Variants in GHR observed in about 807,000 individuals in gnomAD.
The protein encoded by GHR is GH receptor.
Under a neutral mutation model 67.1 loss-of-function variants are expected in GHR, and 35 were observed. The ratio of observed to expected loss-of-function variants is 0.52; its 90% CI spans 0.40 to 0.69. The LOEUF (loss-of-function observed/expected upper bound fraction) is 0.69. Ranked by LOEUF, GHR falls within the 30% of genes least tolerant of loss-of-function variation. The pLI, the probability that GHR is intolerant of heterozygous loss-of-function variation, is 0.00. For synonymous variants in GHR, 272 were observed against 269.1 expected, an observed-to-expected ratio of 1.01 and a Z score of -0.10; for missense variants, 792 against 764.6, an observed-to-expected ratio of 1.04 and a Z score of -0.42.
intron 1 of GHR, among the ~76,000 whole-genome samples, chr5:42,458,878 G>GA (rs1341315900): frequency 6.6e-6 from 1 of 152,092 alleles, no homozygotes; most frequent in African/African-American, 2.4e-5. Flanking sequence ...ACAAGCATAT[G>GA]AAAAAATGCT....
At chr5:42,548,011 A>G in intron 1 of GHR, 1 of 809,504 alleles carries the variant, frequency 1.2e-6, no homozygotes. Flanking sequence ...ACCCATCCAG[A>G]TCAGAGCCTT....
intron 5 of GHR, among the ~76,000 whole-genome samples, chr5:42,697,935 G>T (rs1395507366): frequency 6.6e-6 from 1 of 152,066 alleles, no homozygotes; most frequent in African/African-American, 2.4e-5. Flanking sequence ...TGGTGCAGGC[G>T]GTGGGACATG....
intron 1 of GHR, chr5:42,549,615 GGT>G: frequency 1.1e-6 from 1 of 941,364 alleles, no homozygotes; most frequent in Non-Finnish European, 1.3e-6. Context: ...CAGGGCCAGA[GGT>G]GTGAATAGCC....
At chr5:42,427,902 G>A (rs946081865) in intron 1 of GHR, among the ~76,000 whole-genome samples, 10 of 152,206 alleles carry the variant, frequency 6.6e-5, no homozygotes, top group African/African-American at 2.4e-4. Context: ...TTGACTTCAT[G>A]TCTCACATCC....
chr5:42,647,433 G>C (rs1489640812), intron 3 of GHR, among the ~76,000 whole-genome samples: 1 of 151,994 alleles, frequency 6.6e-6, no homozygotes, highest in Non-Finnish European at 1.5e-5. Flanking sequence ...ATATAGCTGG[G>C]CGTGGTGGCA....
At chr5:42,697,447 T>C (rs1690121086) in intron 5 of GHR, among the ~76,000 whole-genome samples, 1 of 152,048 alleles carries the variant, frequency 6.6e-6, no homozygotes, top group Admixed American at 6.6e-5. Context: ...GGTTGCAGTG[T>C]TGAGTTTTCA....
chr5:42,662,095 A>G (rs1423188032), intron 3 of GHR, among the ~76,000 whole-genome samples: 1 of 152,212 alleles, frequency 6.6e-6, no homozygotes, highest in African/African-American at 2.4e-5. Flanking sequence ...GAGCATCCAG[A>G]TTCATAAAGC....
At chr5:42,655,949 G>A (rs1755234557) in intron 3 of GHR, among the ~76,000 whole-genome samples, 1 of 152,002 alleles carries the variant, frequency 6.6e-6, no homozygotes, top group South Asian at 2.1e-4. Flanking sequence ...GTTGATTTGG[G>A]CTTGCATAAT....
At chr5:42,635,567 C>T (rs1190229466) in intron 3 of GHR, among the ~76,000 whole-genome samples, 1 of 152,186 alleles carries the variant, frequency 6.6e-6, no homozygotes, top group Non-Finnish European at 1.5e-5. Flanking sequence ...TAGTTTCACA[C>T]GTTAGTGCTT....
At chr5:42,450,006 A>G (rs889434219) in intron 1 of GHR, among the ~76,000 whole-genome samples, 3 of 152,128 alleles carry the variant, frequency 2.0e-5, no homozygotes, top group Non-Finnish European at 4.4e-5. Flanking sequence ...CCGCTTGATC[A>G]TGATGTGTTA....
chr5:42,549,457 G>C (rs1440916550), intron 1 of GHR: 2 of 152,432 alleles, frequency 1.3e-5, no homozygotes, highest in Non-Finnish European at 1.5e-5. Flanking sequence ...GTTTATTAAG[G>C]CTGTGATAGA....
At chr5:42,613,122 G>A (rs372511320) in intron 2 of GHR, among the ~76,000 whole-genome samples, 1 of 152,030 alleles carries the variant, frequency 6.6e-6, no homozygotes, top group Non-Finnish European at 1.5e-5. Context: ...TTCTCTTCCT[G>A]TAACACCTAC....
chr5:42,512,245 CAG>C (rs1025128909), intron 1 of GHR, among the ~76,000 whole-genome samples: 2 of 151,940 alleles, frequency 1.3e-5, no homozygotes, highest in Non-Finnish European at 2.9e-5. Context: ...AAAATGGACT[CAG>C]GGGTTCTCAA....
chr5:42,541,602 C>A (rs1748520176), intron 1 of GHR, among the ~76,000 whole-genome samples: 1 of 151,304 alleles, frequency 6.6e-6, no homozygotes, highest in African/African-American at 2.4e-5. Context: ...TTTAGTGAGA[C>A]CAATTTGGGT....
chr5:42,632,506 C>CTT (rs1753978693), intron 3 of GHR, among the ~76,000 whole-genome samples: 1 of 152,244 alleles, frequency 6.6e-6, no homozygotes, highest in South Asian at 2.1e-4. Flanking sequence ...TCACCAAAAA[C>CTT]TGTCTGTCAC....
At chr5:42,569,310 T>C (rs1453290571) in intron 2 of GHR, among the ~76,000 whole-genome samples, 1 of 152,244 alleles carries the variant, frequency 6.6e-6, no homozygotes, top group African/African-American at 2.4e-5. Flanking sequence ...CTTGAGCACT[T>C]ACTTCGTGGA....
chr5:42,493,427 C>G (rs950828167), intron 1 of GHR, among the ~76,000 whole-genome samples: 2 of 151,988 alleles, frequency 1.3e-5, no homozygotes, highest in African/African-American at 4.8e-5. Flanking sequence ...CAAAGGAAAC[C>G]TATGCCTAAA....
intron 1 of GHR, among the ~76,000 whole-genome samples, chr5:42,553,502 C>T (rs116459163): frequency 4.7e-4 from 71 of 152,294 alleles, no homozygotes; most frequent in African/African-American, 1.7e-3. Context: ...AACAGAAGAT[C>T]AAGTCCTTTT....
chr5:42,608,900 G>T (rs182878162), intron 2 of GHR, among the ~76,000 whole-genome samples: 4 of 152,072 alleles, frequency 2.6e-5, no homozygotes, highest in Non-Finnish European at 2.9e-5. Flanking sequence ...GAAACTCATT[G>T]TACTCTATTT....
Sources: allele counts gnomAD v4.1 joint callset (sites outside exome capture counted in the v4.1 genomes callset), GRCh38; gene constraint gnomAD v4.1.1; transcripts MANE v1.5; gene names NCBI Gene and HGNC (gene_info 2026-07-23, HGNC 2026-07-21).